The following GPM6A variants were observed in gnomAD, a reference collection of about 807,000 sequenced individuals.
The protein encoded by GPM6A is neuronal membrane glycoprotein M6-a.
In GPM6A, 7 loss-of-function variants were observed where a neutral mutation model predicts 32.1. The ratio of observed to expected loss-of-function variants is 0.22; its 90% CI spans 0.12 to 0.41. The LOEUF is 0.41. Among genes scored for constraint, GPM6A ranks in the 10% least tolerant of loss-of-function variants. The pLI is 1.00. For missense variants in GPM6A, 235 were observed against 347.2 expected (o/e 0.68, Z 2.57); for synonymous variants, 130 against 123.4 (o/e 1.05, Z -0.35).
At chr4:175,862,080 A>G (rs1049666278) in intron 1 of GPM6A, among the ~76,000 whole-genome samples, 1 of 152,232 alleles carries the variant, frequency 6.6e-6, no homozygotes, top group Non-Finnish European at 1.5e-5. Flanking sequence ...TATCCAAAGC[A>G]TAGTTTTGTA....
chr4:175,893,110 A>G (rs1377775190), intron 1 of GPM6A, among the ~76,000 whole-genome samples: 1 of 152,214 alleles, frequency 6.6e-6, no homozygotes, highest in South Asian at 2.1e-4. Flanking sequence ...GGTCTCCCCC[A>G]TGGATAAGAC....
intron 1 of GPM6A, among the ~76,000 whole-genome samples, chr4:175,756,431 A>C (rs1398782073): frequency 2.0e-5 from 3 of 152,150 alleles, no homozygotes; most frequent in African/African-American, 7.2e-5. Flanking sequence ...AAAGGTTTTA[A>C]AAGTTAGACT....
At position 175,691,348 on chromosome 4, in the gene GPM6A, C is replaced by T. The variant is rs367791156; in HGVS notation, c.230+10227G>A. On this transcript the variant is annotated intron_variant, in intron 2 of 6. Transcript: ENST00000393658. ...AGGGATTAATTCACTTACTTTACCT[C>T]CTTCCTAAATGTAGACTTTCAGACT... 2.6e-5 allele frequency among the ~76,000 whole-genome samples: 4 copies of T among 152,284 alleles called. No individual in the cohort carries two copies. The South Asian group carries it at 8.3e-4, about 32-fold the overall frequency.
intron 1 of GPM6A, among the ~76,000 whole-genome samples, chr4:175,760,486 A>G (rs1732696724): frequency 6.6e-6 from 1 of 152,208 alleles, no homozygotes; most frequent in Admixed American, 6.5e-5. Flanking sequence ...TTCACATTAT[A>G]AAACTCTAGG....
intron 1 of GPM6A, among the ~76,000 whole-genome samples, chr4:175,994,317 GGTAGCTCTT>G (rs1741238194): frequency 6.6e-6 from 1 of 152,188 alleles, no homozygotes. Flanking sequence ...AATTCCAAGA[GGTAGCTCTT>G]GGTAATATTA....
At chr4:175,775,213 C>T (rs866219010) in intron 1 of GPM6A, among the ~76,000 whole-genome samples, 12 of 151,936 alleles carry the variant, frequency 7.9e-5, no homozygotes, top group African/African-American at 2.9e-4. Context: ...GCAATATCTC[C>T]GTATCAAATA....
intron 1 of GPM6A, among the ~76,000 whole-genome samples, chr4:175,980,217 C>G (rs140336708): frequency 3.2e-4 from 48 of 152,070 alleles, no homozygotes; most frequent in Non-Finnish European, 1.0e-4. Flanking sequence ...AATAGCTGGG[C>G]GTGGTGGCAT....
At chr4:175,665,773 A>G (rs1489277705) in intron 3 of GPM6A, among the ~76,000 whole-genome samples, 1 of 150,288 alleles carries the variant, frequency 6.7e-6, no homozygotes, top group African/African-American at 2.4e-5. Context: ...CAAGAGCAAA[A>G]CTCCATTTAA....
chr4:175,648,189 C>T (rs1741583464), intron 4 of GPM6A, among the ~76,000 whole-genome samples: 1 of 151,628 alleles, frequency 6.6e-6, no homozygotes, highest in South Asian at 2.1e-4. Context: ...TGAGTTGATG[C>T]CATAATGGGA....
At chr4:175,743,319 G>A (rs1731964350) in intron 1 of GPM6A, among the ~76,000 whole-genome samples, 1 of 152,056 alleles carries the variant, frequency 6.6e-6, no homozygotes. Flanking sequence ...AAATTAGTAC[G>A]TTTTATTTAA....
rs185237837 is a variant in GPM6A, at chr4:175,640,445, C to T, written c.619-251G>A. On this transcript the variant is annotated intron_variant, in intron 5 of 6. Coordinates refer to ENST00000393658, the MANE Select transcript of GPM6A (RefSeq NM_201591.3). ...GACAATGATTAATAATGATGGTTTT[C>T]ATCAGTAACATTATAACAATATAAG... Among the ~76,000 whole-genome samples, 334 of 152,220 alleles carry T rather than the reference C, an allele frequency of 2.2e-3. 1 individual carries two copies. The highest frequency in any genetic ancestry group is 3.3e-3 in the Non-Finnish European group (224 of 68,014).
intron 2 of GPM6A, among the ~76,000 whole-genome samples, chr4:175,699,037 A>C (rs1042698671): frequency 1.3e-5 from 2 of 152,190 alleles, no homozygotes; most frequent in African/African-American, 2.4e-5. Flanking sequence ...CAAACTTGTA[A>C]TTCTATAAGT....
chr4:175,926,155 A>G (rs1738833945), intron 1 of GPM6A, among the ~76,000 whole-genome samples: 1 of 152,088 alleles, frequency 6.6e-6, no homozygotes, highest in Admixed American at 6.6e-5. Context: ...CCTGGCCACA[A>G]ATTCTCTATA....
At chr4:175,664,986 G>C (rs766037300) in intron 3 of GPM6A, among the ~76,000 whole-genome samples, 5 of 152,274 alleles carry the variant, frequency 3.3e-5, no homozygotes, top group Non-Finnish European at 7.4e-5. Context: ...GGAGGCAACT[G>C]TAACAGGATG....
intron 1 of GPM6A, among the ~76,000 whole-genome samples, chr4:175,998,403 C>A (rs1479572139): frequency 6.6e-6 from 1 of 152,110 alleles, no homozygotes; most frequent in South Asian, 2.1e-4. Context: ...CCACCCAGCT[C>A]GTCCTGCCTC....
chr4:175,732,390 T>C (rs1731472121), intron 1 of GPM6A, among the ~76,000 whole-genome samples: 1 of 152,202 alleles, frequency 6.6e-6, no homozygotes, highest in Non-Finnish European at 1.5e-5. Flanking sequence ...TATTGCCTTC[T>C]AGTATGCTAG....
intron 1 of GPM6A, among the ~76,000 whole-genome samples, chr4:175,829,704 T>TG (rs1735550445): frequency 1.4e-5 from 2 of 147,272 alleles, no homozygotes; most frequent in Non-Finnish European, 1.5e-5. Flanking sequence ...TGTATATATA[T>TG]TACATATATA....
intron 1 of GPM6A, among the ~76,000 whole-genome samples, chr4:175,895,958 T>C (rs1313568220): frequency 6.6e-6 from 1 of 152,190 alleles, no homozygotes; most frequent in African/African-American, 2.4e-5. Flanking sequence ...TAATCCTGAA[T>C]CTCTCCATCT....
intron 2 of GPM6A, among the ~76,000 whole-genome samples, chr4:175,686,059 G>T (rs887103898): frequency 1.3e-5 from 2 of 152,050 alleles, no homozygotes; most frequent in African/African-American, 4.8e-5. Flanking sequence ...TCTTCCCATG[G>T]CAAAAAGCAG....
Sources: allele counts gnomAD v4.1 joint callset (sites outside exome capture counted in the v4.1 genomes callset), GRCh38; gene constraint gnomAD v4.1.1; transcripts MANE v1.5; gene names NCBI Gene and HGNC (gene_info 2026-07-23, HGNC 2026-07-21).